SLC9D1: variants seen among roughly 807,000 people sequenced by gnomAD.
SLC9D1 encodes putative LAG1-interacting protein.
chr13:113,491,931 G>A, the SLC9D1 span, among the ~76,000 whole-genome samples: 1 of 152,226 alleles, frequency 6.6e-6, no homozygotes, highest in Non-Finnish European at 1.5e-5. Flanking sequence ...TTTTTCAAAA[G>A]GAGTGTCTTA....
chr13:113,548,323 CCTGT>C, the SLC9D1 span: 2 of 1,614,072 alleles, frequency 1.2e-6, no homozygotes, highest in South Asian at 2.2e-5. Context: ...CGGCGCTGGT[CCTGT>C]CTCTCATTCT....
At chr13:113,503,287 AAATC>A in the SLC9D1 span, among the ~76,000 whole-genome samples, 1 of 152,068 alleles carries the variant, frequency 6.6e-6, no homozygotes, top group Non-Finnish European at 1.5e-5. Context: ...ACCAAGATAA[AAATC>A]AAAGCACATA....
At chr13:113,494,340 C>A in the SLC9D1 span, among the ~76,000 whole-genome samples, 6 of 152,116 alleles carry the variant, frequency 3.9e-5, no homozygotes, top group Non-Finnish European at 5.9e-5. Context: ...CTTCCACGGT[C>A]TCGGTTTCCC....
At chr13:113,531,204 G>C in the SLC9D1 span, among the ~76,000 whole-genome samples, 2 of 152,384 alleles carry the variant, frequency 1.3e-5, no homozygotes, top group East Asian at 3.9e-4. Context: ...ATCTGGCTGA[G>C]CAAATGATGG....
At chr13:113,504,716 T>A in the SLC9D1 span, 1 of 152,266 alleles carries the variant, frequency 6.6e-6, no homozygotes, top group Non-Finnish European at 1.5e-5. Context: ...AATACCACAT[T>A]TTCTATTGAT....
the SLC9D1 span, chr13:113,498,557 G>T: frequency 6.7e-7 from 1 of 1,497,744 alleles, no homozygotes; most frequent in Admixed American, 2.5e-5. Context: ...TTCACCTCCT[G>T]AGCCACTCAC....
chr13:113,522,628 C>A, the SLC9D1 span, among the ~76,000 whole-genome samples: 9 of 152,098 alleles, frequency 5.9e-5, no homozygotes, highest in African/African-American at 2.2e-4. Context: ...GCGTGAGCAA[C>A]CGCGCCCGGC....
At chr13:113,501,091 G>A in the SLC9D1 span, among the ~76,000 whole-genome samples, 2 of 152,168 alleles carry the variant, frequency 1.3e-5, no homozygotes, top group Admixed American at 1.3e-4. Context: ...TCATGGCAAA[G>A]CCACGTGAAT....
the SLC9D1 span, chr13:113,528,937 T>C: frequency 6.6e-6 from 1 of 152,164 alleles, no homozygotes; most frequent in Non-Finnish European, 1.5e-5. Flanking sequence ...GACTTCTAGT[T>C]AAGAGGTCTG....
chr13:113,538,376 C>T, the SLC9D1 span, among the ~76,000 whole-genome samples: 5 of 152,198 alleles, frequency 3.3e-5, no homozygotes, highest in African/African-American at 1.2e-4. Context: ...GCTTGATCTC[C>T]GTGTTTGGGT....
the SLC9D1 span, among the ~76,000 whole-genome samples, chr13:113,542,896 GC>G: frequency 6.6e-6 from 1 of 152,088 alleles, no homozygotes; most frequent in Non-Finnish European, 1.5e-5. Flanking sequence ...GGAGGCTTGG[GC>G]CCCTTGTCGC....
the SLC9D1 span, among the ~76,000 whole-genome samples, chr13:113,540,661 A>G: frequency 2.0e-5 from 3 of 152,200 alleles, no homozygotes; most frequent in African/African-American, 7.2e-5. Flanking sequence ...ATAGTTTGCA[A>G]GTATTCTCTC....
At chr13:113,531,835 C>T in the SLC9D1 span, among the ~76,000 whole-genome samples, 4 of 152,246 alleles carry the variant, frequency 2.6e-5, no homozygotes, top group Admixed American at 6.5e-5. Context: ...CTTTCTGAGC[C>T]CTCATCACTG....
At chr13:113,531,876 G>C in the SLC9D1 span, among the ~76,000 whole-genome samples, 1 of 152,336 alleles carries the variant, frequency 6.6e-6, no homozygotes, top group African/African-American at 2.4e-5. Context: ...GGAGTCTTCT[G>C]GGAATTAGAC....
At chr13:113,532,480 C>T in the SLC9D1 span, among the ~76,000 whole-genome samples, 1 of 152,012 alleles carries the variant, frequency 6.6e-6, no homozygotes, top group Non-Finnish European at 1.5e-5. Context: ...TCCATCCCAG[C>T]GTCCAGGAGC....
the SLC9D1 span, chr13:113,514,445 G>A: frequency 1.3e-5 from 2 of 152,014 alleles, no homozygotes; most frequent in East Asian, 1.9e-4. Context: ...CATGAGCCTC[G>A]CTAGTATTCG....
At chr13:113,543,825 T>G in the SLC9D1 span, among the ~76,000 whole-genome samples, 2 of 151,988 alleles carry the variant, frequency 1.3e-5, no homozygotes, top group African/African-American at 4.8e-5. Flanking sequence ...AAACTAGAGT[T>G]CTTTTATGTT....
the SLC9D1 span, among the ~76,000 whole-genome samples, chr13:113,508,264 C>T: frequency 0.19 from 28,198 of 152,222 alleles, 3,456 homozygotes; most frequent in African/African-American, 0.35. Context: ...CCACCCAGGG[C>T]GCACAGCGAG....
the SLC9D1 span, among the ~76,000 whole-genome samples, chr13:113,497,487 C>CTG: frequency 7.1e-6 from 1 of 141,728 alleles, no homozygotes; most frequent in African/African-American, 2.7e-5. Context: ...AGACCTACAG[C>CTG]TGTGTGAGAC....
Sources: gnomAD v4.1 joint callset for allele counts (sites outside exome capture counted in the v4.1 genomes callset) on GRCh38, gnomAD v4.1.1 for gene constraint, MANE v1.5 for transcripts, NCBI Gene and HGNC (gene_info 2026-07-23, HGNC 2026-07-21) for gene names.